The following ZFHX3 variants were observed in gnomAD, a reference collection of about 807,000 sequenced individuals.
ZFHX3 encodes the protein zinc finger homeobox protein 3.
Under a neutral mutation model 279.1 loss-of-function variants are expected in ZFHX3, and 42 were observed. That is an observed-to-expected ratio of 0.15 (90% CI 0.12 to 0.19). The LOEUF (loss-of-function observed/expected upper bound fraction) is 0.19, where lower values mean the gene tolerates loss of function less well. ZFHX3 is among the 10% of genes least tolerant of loss of function. The probability of loss-of-function intolerance (pLI) is 1.00; values close to 1 mark genes in which losing one functional copy is unlikely to be tolerated. For missense variants in ZFHX3, 4,981 were observed against 4,754.0 expected, an observed-to-expected ratio of 1.05 and a Z score of -1.40; for synonymous variants, 2,293 against 1,957.8, an observed-to-expected ratio of 1.17 and a Z score of -4.52.
chr16:72,794,442 A>G lies in ZFHX3; in HGVS notation c.8240T>C (p.Leu2747Pro). The G allele has an allele frequency of 6.2e-7, 1 of 1,613,878 alleles. No homozygotes were observed. The highest frequency in any genetic ancestry group is 8.5e-7 in the Non-Finnish European group (1 of 1,179,926). The change falls in exon 9 of 10, where the codon CTG becomes CCG. Residue 2747 changes from leucine to proline, a missense_variant. Transcript: ENST00000268489. The surrounding 1 kb of genome is among the most constrained non-coding windows in gnomAD (Gnocchi z 4.2). ...EAKRAGYNLT[L>P]SAMLLDCDGG... is the part of the protein sequence containing the mutation. ...ATCACAGTCTAAGAGCATCGCAGAC[A>G]GAGTTAGGTTGTAGCCAGCTCTCTT...
intron 1 of ZFHX3, among the ~76,000 whole-genome samples, chr16:73,728,362 C>A (rs978817298): frequency 2.0e-5 from 3 of 152,138 alleles, no homozygotes; most frequent in Middle Eastern, 3.2e-3. Flanking sequence ...AAATAAATTT[C>A]TGTATTTTCT....
intron 2 of ZFHX3, among the ~76,000 whole-genome samples, chr16:73,667,486 G>A (rs1377617912): frequency 6.6e-6 from 1 of 152,142 alleles, no homozygotes; most frequent in Non-Finnish European, 1.5e-5. Context: ...TTATTTTTAA[G>A]AACTACTAAA....
rs139371176 is a variant in ZFHX3, at chr16:73,811,470, G to A, written c.-1608+80181C>T. On this transcript the variant is annotated intron_variant, in intron 1 of 17. Coordinates refer to the ZFHX3 transcript ENST00000641206. ...TTTTTTTTTTTTTTTTTGAGACGGA[G>A]TCTTGCTCTGTCATCTAGGCGGGAG... Among the ~76,000 whole-genome samples, 718 of 137,502 alleles carry A rather than the reference G, an allele frequency of 5.2e-3. 6 individuals carry two copies. Among genetic ancestry groups the A allele is most frequent in the African/African-American group, 0.018 (672 of 36,462 alleles). The allele number at this position is 137,502 out of a possible 152,430, so 90.2% of individuals were successfully genotyped here.
chr16:72,959,104 G>T lies in ZFHX3; in HGVS notation c.1042C>A (p.Gln348Lys). The change falls in exon 2 of 10, where the codon CAA becomes AAA. Residue 348 changes from glutamine (Q) to lysine (K), a missense_variant. Transcript: ENST00000268489. ...TTAGCTGTGGAAACTAAAGGGTGTTGAAAGTTTTTGTTTTTTGGTTCCAGA... is the reference window on the plus strand; with the variant it reads ...TTAGCTGTGGAAACTAAAGGGTGTTTAAAGTTTTTGTTTTTTGGTTCCAGA... ...SFLEPKNKNF[Q>K]HPLVSTANLI... 1 of 1,614,240 alleles carries T rather than the reference G, an allele frequency of 6.2e-7. No homozygotes were observed. Among genetic ancestry groups the T allele is most frequent in the South Asian group, 1.1e-5 (1 of 91,086 alleles).
At chr16:73,518,015 TAATC>T (rs1356878109) in intron 2 of ZFHX3, among the ~76,000 whole-genome samples, 2 of 152,220 alleles carry the variant, frequency 1.3e-5, no homozygotes, top group African/African-American at 2.4e-5. Flanking sequence ...TTTCAACACA[TAATC>T]AACGTAAACA....
intron 1 of ZFHX3, among the ~76,000 whole-genome samples, chr16:72,975,525 T>C (rs1463781430): frequency 1.3e-5 from 2 of 152,194 alleles, no homozygotes; most frequent in African/African-American, 4.8e-5. Context: ...ACATGTCCCC[T>C]TCTTCATGGC....
At chr16:73,074,234 C>T (rs190820532) in intron 8 of ZFHX3, among the ~76,000 whole-genome samples, 2 of 152,316 alleles carry the variant, frequency 1.3e-5, no homozygotes, top group African/African-American at 4.8e-5. Context: ...GCTGAAGGCT[C>T]AGGCTCACTT....
chr16:73,104,437 C>A (rs1966269487), intron 7 of ZFHX3, among the ~76,000 whole-genome samples: 1 of 151,928 alleles, frequency 6.6e-6, no homozygotes, highest in Admixed American at 6.6e-5. Context: ...CACCATGTTG[C>A]CCAGAGTGGC....
At chr16:72,831,744 G>A (rs575388268) in intron 4 of ZFHX3, among the ~76,000 whole-genome samples, 2 of 152,274 alleles carry the variant, frequency 1.3e-5, no homozygotes, top group South Asian at 4.1e-4. Flanking sequence ...TGCGGTCAAT[G>A]AATATTATTG....
Position 72,795,752 on chromosome 16 carries a change from T to C in ZFHX3, c.6930A>G (p.Gly2310=). 6.2e-7 allele frequency: 1 copy of C among 1,614,218 alleles called. No homozygotes were observed. Among genetic ancestry groups the C allele is most frequent in the Non-Finnish European group, 8.5e-7 (1 of 1,180,052 alleles). ...NYENQGEGKD[G]ERRELTNDRY... ...TATCATTTGTAAGCTCACGCCGCTC[T>C]CCATCTTTGCCCTCTCCCTGATTCT... Residue 2310 remains glycine, a synonymous_variant, in exon 9 of 10, where the codon GGA becomes GGG. Transcript: ENST00000268489.
intron 1 of ZFHX3, among the ~76,000 whole-genome samples, chr16:72,995,797 C>T (rs1963262308): frequency 6.6e-6 from 1 of 152,122 alleles, no homozygotes; most frequent in African/African-American, 2.4e-5. Flanking sequence ...TGGGCCTGGC[C>T]AAATGACTTC....
At chr16:73,617,881 C>CAG (rs2052321112) in intron 2 of ZFHX3, among the ~76,000 whole-genome samples, 6 of 152,178 alleles carry the variant, frequency 3.9e-5, no homozygotes, top group Admixed American at 3.9e-4. Flanking sequence ...TCTATTCATG[C>CAG]AGTCCCCCTT....
intron 1 of ZFHX3, among the ~76,000 whole-genome samples, chr16:73,030,946 G>A (rs1358290294): frequency 2.6e-5 from 4 of 152,158 alleles, no homozygotes; most frequent in Admixed American, 2.6e-4. Context: ...AGCCATACTC[G>A]TCCAAGTTAC....
At chr16:73,356,362 T>C (rs1313617974) in intron 3 of ZFHX3, among the ~76,000 whole-genome samples, 3 of 150,830 alleles carry the variant, frequency 2.0e-5, no homozygotes, top group Non-Finnish European at 3.0e-5. Flanking sequence ...CTCTGGGGTT[T>C]TCCTCTTCAT....
chr16:73,491,069 C>A (rs1244247477), intron 2 of ZFHX3, among the ~76,000 whole-genome samples: 1 of 152,122 alleles, frequency 6.6e-6, no homozygotes, highest in African/African-American at 2.4e-5. Context: ...GGTCACCCTG[C>A]TTTTTACACT....
At chr16:73,479,408 T>C (rs1021497123) in intron 2 of ZFHX3, among the ~76,000 whole-genome samples, 1 of 152,144 alleles carries the variant, frequency 6.6e-6, no homozygotes, top group Non-Finnish European at 1.5e-5. Context: ...CCACTCATCC[T>C]TCATCCATGC....
At chr16:73,756,453 C>A (rs2053809905) in intron 1 of ZFHX3, among the ~76,000 whole-genome samples, 1 of 152,062 alleles carries the variant, frequency 6.6e-6, no homozygotes, top group African/African-American at 2.4e-5. Flanking sequence ...ATCATTCACA[C>A]GACATGAGCT....
intron 3 of ZFHX3, among the ~76,000 whole-genome samples, chr16:73,452,447 G>C (rs1285181772): frequency 1.3e-5 from 2 of 152,086 alleles, no homozygotes; most frequent in African/African-American, 2.4e-5. Flanking sequence ...CTGGCAGAAA[G>C]ACACTAAAAA....
At chr16:73,227,714 T>TC (rs1166043136) in intron 5 of ZFHX3, among the ~76,000 whole-genome samples, 1 of 151,804 alleles carries the variant, frequency 6.6e-6, no homozygotes. Flanking sequence ...CCAGGTGTGA[T>TC]GGTGTGAGCA....
Sources: allele counts gnomAD v4.1 joint callset (sites outside exome capture counted in the v4.1 genomes callset), GRCh38; gene constraint gnomAD v4.1.1; non-coding constraint Gnocchi (gnomAD v3.1); transcripts MANE v1.5; gene names NCBI Gene and HGNC (gene_info 2026-07-23, HGNC 2026-07-21).